ST8SIA4: variants seen among roughly 807,000 people sequenced by gnomAD.
ST8SIA4 encodes the protein CMP-N-acetylneuraminate-poly-alpha-2,8-sialyltransferase.
Under a neutral mutation model 33.9 loss-of-function variants are expected in ST8SIA4, and 15 were observed. The ratio of observed to expected loss-of-function variants is 0.44; its 90% CI spans 0.30 to 0.68. The LOEUF (loss-of-function observed/expected upper bound fraction) is 0.68. ST8SIA4 is among the 30% of genes least tolerant of loss of function. ST8SIA4 has a pLI of 0.10. For synonymous variants in ST8SIA4, 171 were observed against 151.2 expected, an observed-to-expected ratio of 1.13 and a Z score of -0.96; for missense variants, 321 against 428.0, an observed-to-expected ratio of 0.75 and a Z score of 2.21.
At chr5:100,885,006 A>G (rs1358339767) in intron 3 of ST8SIA4, among the ~76,000 whole-genome samples, 1 of 146,470 alleles carries the variant, frequency 6.8e-6, no homozygotes, top group Non-Finnish European at 1.6e-5. Context: ...ATGCCTTGAC[A>G]TCGTTACTTC....
intron 3 of ST8SIA4, among the ~76,000 whole-genome samples, chr5:100,868,102 T>C (rs982111739): frequency 2.0e-5 from 3 of 152,156 alleles, no homozygotes; most frequent in Admixed American, 1.3e-4. Flanking sequence ...TTTCCTCTTG[T>C]ATGTTCTTAT....
chr5:100,872,032 G>C (rs982801267), intron 3 of ST8SIA4, among the ~76,000 whole-genome samples: 1 of 151,870 alleles, frequency 6.6e-6, no homozygotes, highest in African/African-American at 2.4e-5. Context: ...TTGAAATTCA[G>C]TGTTTTAAAA....
intron 3 of ST8SIA4, among the ~76,000 whole-genome samples, chr5:100,881,723 C>T (rs1258790324): frequency 6.6e-6 from 1 of 152,132 alleles, no homozygotes; most frequent in African/African-American, 2.4e-5. Context: ...TGTTGGAGGG[C>T]CCTGGTGGTA....
chr5:100,849,590 G>T, intron 4 of ST8SIA4: 1 of 316,570 alleles, frequency 3.2e-6, no homozygotes, highest in Non-Finnish European at 4.6e-6. Flanking sequence ...AGAGCAGCCT[G>T]GCCAACATGG....
At position 100,901,254 on chromosome 5, in the gene ST8SIA4, C is replaced by A. The variant is rs545498890; in HGVS notation, c.113+1589G>T. Among the ~76,000 whole-genome samples, 155 of 152,334 alleles carry A rather than the reference C, an allele frequency of 1.0e-3. 1 individual carries two copies. The highest frequency in any genetic ancestry group is 1.8e-3 in the African/African-American group (76 of 41,582). The stretch of plus-strand genomic sequence containing the variant: ...CGACCCTCTTCTCACTCGCTCCGCC[C>A]ACTCCTGCTCTCCAGGGTCCCAGCC... On this transcript the variant is annotated intron_variant, in intron 1 of 4. Transcript: ENST00000231461.
chr5:100,898,432 T>C (rs769047022), intron 1 of ST8SIA4, among the ~76,000 whole-genome samples: 32 of 152,212 alleles, frequency 2.1e-4, no homozygotes, highest in African/African-American at 6.0e-4. Context: ...TATCCAAGAT[T>C]TAAAAAGTTT....
intron 1 of ST8SIA4, among the ~76,000 whole-genome samples, chr5:100,901,369 A>G (rs1282585082): frequency 6.6e-6 from 1 of 152,164 alleles, no homozygotes; most frequent in Non-Finnish European, 1.5e-5. Context: ...GGGAGGGAAC[A>G]AAGAGCCTCG....
intron 4 of ST8SIA4, among the ~76,000 whole-genome samples, chr5:100,841,087 T>G (rs1751462038): frequency 6.6e-6 from 1 of 151,878 alleles, no homozygotes; most frequent in African/African-American, 2.4e-5. Flanking sequence ...GAAGAGAGGT[T>G]CATAAATCTA....
At chr5:100,878,547 T>C (rs982641365) in intron 3 of ST8SIA4, among the ~76,000 whole-genome samples, 4 of 152,270 alleles carry the variant, frequency 2.6e-5, no homozygotes, top group African/African-American at 4.8e-5. Flanking sequence ...TAAGTGCTAA[T>C]TGAACCTTGA....
intron 4 of ST8SIA4, among the ~76,000 whole-genome samples, chr5:100,826,116 T>G (rs911422795): frequency 1.7e-5 from 1 of 58,042 alleles, no homozygotes; most frequent in African/African-American, 6.3e-5. Context: ...TTTGGTTGGT[T>G]TGGAGCAACT....
chr5:100,812,451 A>T (rs1244271490), intron 4 of ST8SIA4, among the ~76,000 whole-genome samples: 1 of 152,132 alleles, frequency 6.6e-6, no homozygotes, highest in Non-Finnish European at 1.5e-5. Flanking sequence ...AAATTTTCTC[A>T]AAAAGGATTA....
intron 4 of ST8SIA4, among the ~76,000 whole-genome samples, chr5:100,853,192 T>G (rs996412907): frequency 2.6e-5 from 4 of 152,222 alleles, no homozygotes; most frequent in African/African-American, 9.6e-5. Context: ...TTTTGTTTCA[T>G]CAGCGCTCAC....
chr5:100,821,751 A>T (rs1751034770), intron 4 of ST8SIA4, among the ~76,000 whole-genome samples: 1 of 152,224 alleles, frequency 6.6e-6, no homozygotes, highest in Non-Finnish European at 1.5e-5. Flanking sequence ...CCATAAGCAA[A>T]TTCTAAGTGG....
At chr5:100,815,935 T>A (rs919389928) in intron 4 of ST8SIA4, among the ~76,000 whole-genome samples, 10 of 152,162 alleles carry the variant, frequency 6.6e-5, no homozygotes, top group Admixed American at 6.5e-4. Context: ...TCTCAACATA[T>A]CCCAAAACAA....
rs1328042319 is a variant in ST8SIA4, at chr5:100,896,976, A to T, written c.114-1191T>A. 3.9e-5 allele frequency among the ~76,000 whole-genome samples: 6 copies of T among 152,294 alleles called. No homozygotes were observed. In the East Asian group the frequency reaches 1.2e-3, roughly 29 times the overall value. On this transcript the variant is annotated intron_variant, in intron 1 of 4. Transcript: ENST00000231461. ...AGACTCTATTCTCTTTCTAAGCCAC[A>T]GTAGTCTTACCTTACCTTGAAAATT...
intron 3 of ST8SIA4, among the ~76,000 whole-genome samples, chr5:100,876,617 C>A (rs970432335): frequency 1.3e-5 from 2 of 151,878 alleles, no homozygotes; most frequent in Non-Finnish European, 2.9e-5. Flanking sequence ...TAAGGAATCT[C>A]GTAAAAATAC....
chr5:100,891,424 G>A (rs1200905863), intron 2 of ST8SIA4, among the ~76,000 whole-genome samples: 1 of 151,950 alleles, frequency 6.6e-6, no homozygotes, highest in Admixed American at 6.6e-5. Flanking sequence ...TGTTTTGAAA[G>A]ATTATTTTTG....
At chr5:100,834,160 T>G (rs1051301100) in intron 4 of ST8SIA4, among the ~76,000 whole-genome samples, 1 of 152,162 alleles carries the variant, frequency 6.6e-6, no homozygotes, top group Non-Finnish European at 1.5e-5. Context: ...TGTATATGGA[T>G]ATGTACTACT....
intron 1 of ST8SIA4, among the ~76,000 whole-genome samples, chr5:100,901,363 G>A (rs543318053): frequency 6.6e-6 from 1 of 152,302 alleles, no homozygotes; most frequent in East Asian, 1.9e-4. Context: ...CGGCCCGGGA[G>A]GGAACAAAGA....
Sources: gnomAD v4.1 joint callset for allele counts (sites outside exome capture counted in the v4.1 genomes callset) on GRCh38, gnomAD v4.1.1 for gene constraint, MANE v1.5 for transcripts, NCBI Gene and HGNC (gene_info 2026-07-23, HGNC 2026-07-21) for gene names.